The following UGT2B7 variants were observed in gnomAD, a reference collection of about 807,000 sequenced individuals.
UGT2B7 encodes UDP-glucuronosyltransferase 2B7.
In UGT2B7, 51 loss-of-function variants were observed where a neutral mutation model predicts 51.9. The observed-to-expected ratio is 0.98, with a 90% CI of 0.78 to 1.24. The LOEUF (loss-of-function observed/expected upper bound fraction) is 1.24, where lower values mean the gene tolerates loss of function less well. Ranked by LOEUF, UGT2B7 falls within the 50% of genes most tolerant of loss-of-function variation. UGT2B7 has a pLI of 0.00. For synonymous variants in UGT2B7, 225 were observed against 211.6 expected (o/e 1.06, Z -0.55); for missense variants, 727 against 628.4 (o/e 1.16, Z -1.68).
At chr4:69,089,924 A>C (rs1322963698) in intron 2 of UGT2B7, among the ~76,000 whole-genome samples, 1 of 152,162 alleles carries the variant, frequency 6.6e-6, no homozygotes, top group Non-Finnish European at 1.5e-5. Context: ...AAATAAAAAA[A>C]CCCTGAAGTG....
chr4:69,055,606 A>C (rs1456426902), intron 1 of UGT2B7, among the ~76,000 whole-genome samples: 1 of 152,162 alleles, frequency 6.6e-6, no homozygotes, highest in Non-Finnish European at 1.5e-5. Flanking sequence ...AAAACTAAAA[A>C]TTTGTTTTTG....
At position 69,107,237 on chromosome 4, in the gene UGT2B7, G is replaced by A. The variant is rs571765031; in HGVS notation, c.1065G>A (p.Lys355=). 1.9e-6 allele frequency: 3 copies of A among 1,609,328 alleles called. No individual in the cohort carries two copies. The highest frequency in any genetic ancestry group is 2.2e-5 in the East Asian group (1 of 44,714). ...TAGGTCTCAATACTCGGCTCTACAA[G>A]TGGATACCCCAGAATGACCTTCTAG... ...DTLGLNTRLY[K]WIPQNDLLGH... The change falls in exon 4 of 6, where the codon AAG becomes AAA. Residue 355 remains lysine, a synonymous_variant. Transcript: ENST00000305231.
chr4:69,105,762 C>T (rs1719576228), intron 3 of UGT2B7, among the ~76,000 whole-genome samples: 1 of 152,110 alleles, frequency 6.6e-6, no homozygotes, highest in African/African-American at 2.4e-5. Context: ...TTTATAATTC[C>T]AATGAAGTTA....
rs1553911368 is a variant in UGT2B7 at position 69,063,326 on chromosome 4, A to AAAAAAAG, written c.-159+11730_-159+11731insGAAAAAA. ...AGAGCGAGACTCCGTCTCAAAAAAAAAAAAAAAAAAAAAGAAACACAGTAA... is the reference window on the plus strand; with the variant it reads ...AGAGCGAGACTCCGTCTCAAAAAAAAAAAAAAGAAAAAAAAAAAAAGAAACACAGTAA... On this transcript the variant is annotated intron_variant, in intron 1 of 5. Coordinates refer to the UGT2B7 transcript ENST00000502942. Among the ~76,000 whole-genome samples the AAAAAAAG allele has an allele frequency of 7.9e-3, 472 of 59,540 alleles. 3 individuals are homozygous for AAAAAAAG. Among genetic ancestry groups the AAAAAAAG allele is most frequent in the African/African-American group, 0.044 (381 of 8,720 alleles). The allele number at this position is 59,540 out of a possible 152,430, so 39.1% of individuals were successfully genotyped here.
chr4:69,101,804 A>G lies in UGT2B7; in HGVS notation c.871-1003A>G, dbSNP rs1453037842. Among the ~76,000 whole-genome samples the G allele has an allele frequency of 4.6e-5, 7 of 152,302 alleles. No homozygotes were observed. The East Asian group carries it at 1.4e-3, about 29-fold the overall frequency. On this transcript the variant is annotated intron_variant, in intron 2 of 5. Transcript: ENST00000305231. ...CATATATTGGACAACGCAAGTCAGA[A>G]TAATTCTCAATCGATTGCAGCCAAG...
intron 1 of UGT2B7, among the ~76,000 whole-genome samples, chr4:69,098,202 G>A (rs1455454439): frequency 2.0e-5 from 3 of 151,822 alleles, no homozygotes; most frequent in Admixed American, 6.6e-5. Flanking sequence ...TTAAATGTCC[G>A]TATGCTACTA....
At chr4:69,055,345 C>CAA (rs544890954) in intron 1 of UGT2B7, among the ~76,000 whole-genome samples, 2 of 136,014 alleles carry the variant, frequency 1.5e-5, no homozygotes, top group Non-Finnish European at 3.2e-5. Context: ...TGTTTGACTC[C>CAA]AAAAAAAAAA....
At chr4:69,059,479 C>T (rs1052335774) in intron 1 of UGT2B7, among the ~76,000 whole-genome samples, 2 of 152,218 alleles carry the variant, frequency 1.3e-5, no homozygotes, top group South Asian at 2.1e-4. Flanking sequence ...GATGTTAACC[C>T]GTACTGTACC....
chr4:69,088,176 T>C (rs1719003242), intron 1 of UGT2B7, among the ~76,000 whole-genome samples: 1 of 152,126 alleles, frequency 6.6e-6, no homozygotes, highest in African/African-American at 2.4e-5. Flanking sequence ...GTTTTATCTT[T>C]AGGATTGCTG....
At chr4:69,079,097 C>T (rs1718779110) in intron 1 of UGT2B7, among the ~76,000 whole-genome samples, 1 of 152,116 alleles carries the variant, frequency 6.6e-6, no homozygotes, top group African/African-American at 2.4e-5. Flanking sequence ...CAGCTGAGTT[C>T]ACACAAAAAG....
chr4:69,064,734 A>G (rs1209191103), intron 1 of UGT2B7, among the ~76,000 whole-genome samples: 2 of 152,128 alleles, frequency 1.3e-5, no homozygotes, highest in African/African-American at 2.4e-5. Context: ...GTCTGAGTGC[A>G]CTCAATAAAG....
intron 2 of UGT2B7, among the ~76,000 whole-genome samples, chr4:69,102,410 A>G (rs1719446943): frequency 1.3e-5 from 2 of 152,214 alleles, no homozygotes; most frequent in South Asian, 4.1e-4. Flanking sequence ...GATTTAGTAG[A>G]ACAACAATAT....
intron 4 of UGT2B7, 25 bp from the exon 5 acceptor site, chr4:69,108,078 T>A: frequency 6.2e-7 from 1 of 1,610,310 alleles, no homozygotes; most frequent in African/African-American, 1.3e-5. Flanking sequence ...TATGAGTAAT[T>A]TTGCTAAAAT....
intron 1 of UGT2B7, among the ~76,000 whole-genome samples, chr4:69,087,862 G>A (rs918609725): frequency 7.3e-5 from 11 of 151,694 alleles, no homozygotes; most frequent in Non-Finnish European, 1.0e-4. Flanking sequence ...TTCTTATACT[G>A]CTATCAATAT....
upstream of UGT2B7, chr4:69,096,338 A>G: frequency 1.1e-6 from 1 of 909,348 alleles, no homozygotes; most frequent in Non-Finnish European, 1.6e-6. Flanking sequence ...GTGTGAACAG[A>G]TCATTTACCT....
chr4:69,098,479 A>G, intron 1 of UGT2B7, 61 bp from the exon 2 acceptor site: 1 of 1,567,200 alleles, frequency 6.4e-7, no homozygotes, highest in Non-Finnish European at 8.6e-7. Context: ...AACCCCTTTC[A>G]GAAATTTACC....
intron 3 of UGT2B7, among the ~76,000 whole-genome samples, chr4:69,103,230 G>A (rs976503728): frequency 6.6e-6 from 1 of 152,006 alleles, no homozygotes; most frequent in African/African-American, 2.4e-5. Context: ...ATAAAATTTT[G>A]AATTGTGTAT....
At chr4:69,053,042 A>T (rs1718079686) in intron 1 of UGT2B7, among the ~76,000 whole-genome samples, 1 of 152,204 alleles carries the variant, frequency 6.6e-6, no homozygotes, top group East Asian at 1.9e-4. Flanking sequence ...ATAAAAGTAA[A>T]AATGCAACAG....
intron 5 of UGT2B7, among the ~76,000 whole-genome samples, chr4:69,109,995 G>A (rs1229468162): frequency 6.6e-6 from 1 of 151,816 alleles, no homozygotes; most frequent in Non-Finnish European, 1.5e-5. Context: ...AATATATAAA[G>A]CAAATTGGTA....
Sources: gnomAD v4.1 joint callset for allele counts (sites outside exome capture counted in the v4.1 genomes callset) on GRCh38, gnomAD v4.1.1 for gene constraint, MANE v1.5 for transcripts, NCBI Gene and HGNC (gene_info 2026-07-23, HGNC 2026-07-21) for gene names.